Variants in STAU1 observed in about 807,000 individuals in gnomAD.
STAU1 encodes staufen double-stranded RNA binding protein 1, also known as double-stranded RNA-binding protein Staufen homolog 1.
STAU1 carries 13 observed loss-of-function variants against 62.9 expected under a neutral mutation model. The observed-to-expected ratio is 0.21, with a 90% CI of 0.13 to 0.33. The LOEUF is 0.33. STAU1 is among the 10% of genes least tolerant of loss of function. The pLI is 1.00. For missense variants in STAU1, 571 were observed against 712.1 expected (o/e 0.80, Z 2.25); for synonymous variants, 269 against 265.1 (o/e 1.01, Z -0.14).
chr20:49,213,238 AT>A, the STAU1 span, among the ~76,000 whole-genome samples: 26 of 143,120 alleles, frequency 1.8e-4, no homozygotes, highest in African/African-American at 3.1e-4. Flanking sequence ...TCATTTCTCA[AT>A]TTTTTTTTTT....
chr20:49,193,786 G>A, the STAU1 span, among the ~76,000 whole-genome samples: 3 of 151,998 alleles, frequency 2.0e-5, no homozygotes, highest in African/African-American at 7.2e-5. Flanking sequence ...GGCGAACACA[G>A]TGAAACAACG....
intron 4 of STAU1, 74 bp downstream of exon 4, chr20:49,153,859 G>C: frequency 2.8e-6 from 4 of 1,447,284 alleles, no homozygotes; most frequent in Non-Finnish European, 3.6e-6. Context: ...ACAATCTAGA[G>C]GTACTGGTTT....
At chr20:49,197,063 G>C in the STAU1 span, among the ~76,000 whole-genome samples, 2 of 151,948 alleles carry the variant, frequency 1.3e-5, no homozygotes, top group Non-Finnish European at 1.5e-5. Context: ...GCTGAGGCAG[G>C]AGAATAGCTT....
At chr20:49,128,505 A>G (rs1393968492) in intron 6 of STAU1, among the ~76,000 whole-genome samples, 1 of 152,192 alleles carries the variant, frequency 6.6e-6, no homozygotes, top group Non-Finnish European at 1.5e-5. Flanking sequence ...GACCATTTCT[A>G]TTAGAAATTT....
chr20:49,196,578 G>A, the STAU1 span, among the ~76,000 whole-genome samples: 2 of 151,984 alleles, frequency 1.3e-5, no homozygotes, highest in African/African-American at 4.8e-5. Context: ...CCTGAGCTCA[G>A]GAGTTTGAGA....
intron 1 of STAU1, among the ~76,000 whole-genome samples, chr20:49,175,939 C>T (rs1308920958): frequency 6.6e-6 from 1 of 151,766 alleles, no homozygotes; most frequent in Non-Finnish European, 1.5e-5. Context: ...GGACTACAGG[C>T]GCCCGCCACC....
chr20:49,121,836 C>G (rs1026441987), intron 8 of STAU1, among the ~76,000 whole-genome samples: 2 of 152,230 alleles, frequency 1.3e-5, no homozygotes, highest in African/African-American at 2.4e-5. Flanking sequence ...CAGCACATCA[C>G]TACTTACAAC....
rs566920605 is a variant in STAU1, at chr20:49,117,509, C to G, written c.1510-261G>C. Among the ~76,000 whole-genome samples, 68 of 152,296 alleles carry G rather than the reference C, an allele frequency of 4.5e-4. 1 individual carries two copies. Among genetic ancestry groups the G allele is most frequent in the African/African-American group, 1.5e-3 (64 of 41,562 alleles). ...GCACGATGAGTCTGTTCTTTGAAAT[C>G]CAAATTTACAACCACTGCTAGTGGT... On this transcript the variant is annotated intron_variant, in intron 11 of 13. Transcript: ENST00000371856. The surrounding 1 kb of genome is among the most constrained non-coding windows in gnomAD (Gnocchi z 4.6).
chr20:49,190,858 A>G (rs2093830241), upstream of STAU1, among the ~76,000 whole-genome samples: 2 of 151,818 alleles, frequency 1.3e-5, no homozygotes, highest in Non-Finnish European at 2.9e-5. Flanking sequence ...CATCTGTACT[A>G]AGGAATGGGA....
chr20:49,114,640 G>A lies in STAU1; in HGVS notation c.*238C>T. On this transcript the variant is annotated 3_prime_UTR_variant, in exon 14 of 14. Coordinates refer to ENST00000371856, the MANE Select transcript of STAU1 (RefSeq NM_017453.4). ...CAGCCCTTCTTCCCCACAGGCAGCT[G>A]CTATTGCGTAGGGACCGCCAGGTCA... is the stretch of plus-strand genomic sequence containing the variant. 1 of 471,060 alleles carries A rather than the reference G, an allele frequency of 2.1e-6. No homozygotes were observed. Among genetic ancestry groups the A allele is most frequent in the Non-Finnish European group, 3.9e-6 (1 of 259,736 alleles). The allele number at this position is 471,060 out of a possible 1,614,324, so 29.2% of individuals were successfully genotyped here. A position where few individuals can be genotyped will look rare whatever the true frequency, so the allele number is the denominator to read the frequency against.
At chr20:49,142,666 T>A (rs961803239) in intron 5 of STAU1, among the ~76,000 whole-genome samples, 3 of 152,142 alleles carry the variant, frequency 2.0e-5, no homozygotes, top group African/African-American at 7.2e-5. Context: ...ATTTTTTAAA[T>A]AAGTCCCCAG....
intron 6 of STAU1, among the ~76,000 whole-genome samples, chr20:49,133,213 C>T (rs1384565906): frequency 6.6e-6 from 1 of 152,166 alleles, no homozygotes; most frequent in African/African-American, 2.4e-5. Context: ...CAATCTGACC[C>T]CAAATCCCAC....
chr20:49,218,229 C>CT, the STAU1 span, among the ~76,000 whole-genome samples: 13,751 of 139,440 alleles, frequency 0.099, 882 homozygotes, highest in African/African-American at 0.19. Context: ...AAAGCCCAAT[C>CT]TTTTTTTTTT....
chr20:49,199,146 G>A, the STAU1 span, among the ~76,000 whole-genome samples: 2 of 151,580 alleles, frequency 1.3e-5, no homozygotes, highest in East Asian at 1.9e-4. Context: ...ACTCCATCTC[G>A]AAACAAAACA....
At chr20:49,162,233 G>T (rs998396648) in intron 3 of STAU1, among the ~76,000 whole-genome samples, 8 of 152,332 alleles carry the variant, frequency 5.3e-5, no homozygotes, top group African/African-American at 1.9e-4. Flanking sequence ...TTGGTGGGCA[G>T]GAGTTTTACA....
chr20:49,153,592 T>A (rs1325030653), intron 4 of STAU1, among the ~76,000 whole-genome samples: 1 of 149,604 alleles, frequency 6.7e-6, no homozygotes, highest in Admixed American at 6.7e-5. Flanking sequence ...GTGCCTGTAA[T>A]CCCAGCTATT....
At chr20:49,138,078 T>C (rs969107639) in intron 5 of STAU1, among the ~76,000 whole-genome samples, 1 of 152,130 alleles carries the variant, frequency 6.6e-6, no homozygotes. Context: ...TATGCCCAGT[T>C]TGAGACCAGC....
At chr20:49,162,968 C>T (rs923262948) in intron 3 of STAU1, among the ~76,000 whole-genome samples, 3 of 151,820 alleles carry the variant, frequency 2.0e-5, no homozygotes, top group Non-Finnish European at 1.5e-5. Context: ...CCAAGGTAGG[C>T]GGATCACGAG....
At position 49,126,588 on chromosome 20, in the gene STAU1, C is replaced by CAAAAAAAAAAAAAAACAAAACA; in HGVS notation, c.610-2002_610-2001insTGTTTTGTTTTTTTTTTTTTTT. Among the ~76,000 whole-genome samples the CAAAAAAAAAAAAAAACAAAACA allele has an allele frequency of 2.0e-4, 11 of 56,364 alleles. 1 individual carries two copies. The highest frequency in any genetic ancestry group is 2.5e-4 in the African/African-American group (4 of 15,770). 37.0% of individuals were successfully genotyped at this position (56,364 alleles called of 152,430 possible). A position where few individuals can be genotyped will look rare whatever the true frequency, so the allele number is the denominator to read the frequency against. On this transcript the variant is annotated intron_variant, in intron 6 of 13. Coordinates refer to ENST00000371856, the MANE Select transcript of STAU1 (RefSeq NM_017453.4). ...GTCTCAAAAAGCAAAAAAAAAAAAA[C>CAAAAAAAAAAAAAAACAAAACA]AAAAAAAAAACAAAAAAACTTAAAA...
Sources: allele counts gnomAD v4.1 joint callset (sites outside exome capture counted in the v4.1 genomes callset), GRCh38; gene constraint gnomAD v4.1.1; non-coding constraint Gnocchi (gnomAD v3.1); transcripts MANE v1.5; gene names NCBI Gene and HGNC (gene_info 2026-07-23, HGNC 2026-07-21).